The following AUTS2 variants were observed in gnomAD, a reference collection of about 807,000 sequenced individuals.
AUTS2 encodes activator of transcription and developmental regulator AUTS2, also known as autism susceptibility gene 2 protein.
In AUTS2, 17 loss-of-function variants were observed where a neutral mutation model predicts 112.4. The observed-to-expected ratio is 0.15, with a 90% CI of 0.10 to 0.23. The LOEUF is 0.23. AUTS2 is among the 10% of genes least tolerant of loss of function. The probability of loss-of-function intolerance (pLI) is 1.00; values close to 1 mark genes in which losing one functional copy is unlikely to be tolerated. For missense variants in AUTS2, 1,510 were observed against 1,701.6 expected, an observed-to-expected ratio of 0.89 and a Z score of 1.98; for synonymous variants, 751 against 702.7, an observed-to-expected ratio of 1.07 and a Z score of -1.09.
At chr7:70,498,265 A>C (rs1562996349) in intron 5 of AUTS2, among the ~76,000 whole-genome samples, 1 of 152,138 alleles carries the variant, frequency 6.6e-6, no homozygotes, top group African/African-American at 2.4e-5. Context: ...GTGTGTGTGT[A>C]TTTGAAAACT....
intron 5 of AUTS2, among the ~76,000 whole-genome samples, chr7:70,562,434 A>T (rs1044901884): frequency 4.0e-5 from 6 of 151,878 alleles, no homozygotes; most frequent in Admixed American, 3.3e-4. Context: ...TACTGAAAAA[A>T]CTCACTCCAG....
chr7:69,926,664 A>G (rs2129543460), intron 2 of AUTS2, among the ~76,000 whole-genome samples: 2 of 151,490 alleles, frequency 1.3e-5, no homozygotes, highest in South Asian at 4.2e-4. Flanking sequence ...TTGAGAATGA[A>G]TAAAGTATTT....
chr7:70,568,431 G>A (rs1381217110), intron 5 of AUTS2, among the ~76,000 whole-genome samples: 1 of 152,228 alleles, frequency 6.6e-6, no homozygotes, highest in Non-Finnish European at 1.5e-5. Context: ...GTGTGTTAAA[G>A]TGTTCGCAGT....
At chr7:69,871,699 G>A (rs1386039828) in intron 1 of AUTS2, among the ~76,000 whole-genome samples, 1 of 152,194 alleles carries the variant, frequency 6.6e-6, no homozygotes, top group Non-Finnish European at 1.5e-5. Flanking sequence ...TGGATGAGTA[G>A]CATCTATAGC....
chr7:69,907,932 A>T (rs962993066), intron 2 of AUTS2, among the ~76,000 whole-genome samples: 3 of 152,234 alleles, frequency 2.0e-5, no homozygotes, highest in Admixed American at 2.0e-4. Flanking sequence ...CATTAGTAGC[A>T]TTACTGAAAT....
At chr7:69,720,555 G>C (rs1378257749) in intron 1 of AUTS2, among the ~76,000 whole-genome samples, 2 of 152,172 alleles carry the variant, frequency 1.3e-5, no homozygotes, top group Non-Finnish European at 2.9e-5. Flanking sequence ...TATAACCACA[G>C]TCATGCCCAA....
chr7:70,310,055 G>T (rs1322241119), intron 4 of AUTS2, among the ~76,000 whole-genome samples: 3 of 152,010 alleles, frequency 2.0e-5, no homozygotes, highest in Non-Finnish European at 2.9e-5. Flanking sequence ...AAGGTTAATG[G>T]TATCTGCCAT....
At chr7:70,495,060 C>T (rs550666368) in intron 5 of AUTS2, among the ~76,000 whole-genome samples, 112 of 152,048 alleles carry the variant, frequency 7.4e-4, no homozygotes, top group African/African-American at 2.6e-3. Flanking sequence ...AACATAAAGA[C>T]ACAGAAATGG....
chr7:69,741,562 G>T (rs1787265660), intron 1 of AUTS2, among the ~76,000 whole-genome samples: 1 of 152,036 alleles, frequency 6.6e-6, no homozygotes, highest in African/African-American at 2.4e-5. Flanking sequence ...AAAATTAGCT[G>T]GGTGTGGTGG....
intron 4 of AUTS2, among the ~76,000 whole-genome samples, chr7:70,325,295 G>A (rs1395482450): frequency 6.6e-6 from 1 of 152,008 alleles, no homozygotes; most frequent in Non-Finnish European, 1.5e-5. Flanking sequence ...CTTCACTCCA[G>A]CCGGAGTGAC....
intron 4 of AUTS2, among the ~76,000 whole-genome samples, chr7:70,207,413 T>C (rs1485523472): frequency 2.0e-5 from 3 of 152,302 alleles, no homozygotes; most frequent in Middle Eastern, 6.8e-3. Context: ...CTTGGTAGGA[T>C]TTGATTTGAA....
chr7:69,893,924 TG>T (rs1794628992), intron 1 of AUTS2, among the ~76,000 whole-genome samples: 1 of 152,178 alleles, frequency 6.6e-6, no homozygotes, highest in Non-Finnish European at 1.5e-5. Flanking sequence ...GATTGTAATT[TG>T]GGAGAAGGGA....
rs1256767691 is a variant in AUTS2 at position 70,694,033 on chromosome 7, C to G, written c.691-4536C>G. ...CACCGGCGGCTCGGGCTCGGCGCGC[C>G]GAGGAAGTCCCGCTCCGAGAGCTGC... On this transcript the variant is annotated intron_variant, in intron 5 of 18. Transcript: ENST00000342771. This position sits in a 1 kb window ranked among gnomAD's most constrained non-coding sequence, Gnocchi z 4.1. The G allele has an allele frequency of 4.0e-5, 6 of 151,646 alleles. No individual in the cohort carries two copies. The highest frequency in any genetic ancestry group is 1.5e-5 in the Non-Finnish European group (1 of 67,816). 9.4% of individuals were successfully genotyped at this position (151,646 alleles called of 1,614,324 possible).
intron 1 of AUTS2, among the ~76,000 whole-genome samples, chr7:69,898,328 A>G (rs1275675765): frequency 6.6e-6 from 1 of 152,182 alleles, no homozygotes; most frequent in Non-Finnish European, 1.5e-5. Context: ...CTGAGTGCCA[A>G]AACATTTTCA....
At chr7:70,367,579 A>C (rs1471145399) in intron 4 of AUTS2, among the ~76,000 whole-genome samples, 7 of 151,696 alleles carry the variant, frequency 4.6e-5, no homozygotes, top group South Asian at 2.1e-4. Context: ...ATTGTAAAAA[A>C]TAATAATAAT....
rs570643058 is a variant in AUTS2 at position 69,736,834 on chromosome 7, G to T, written c.309+136872G>T. Among the ~76,000 whole-genome samples the T allele has an allele frequency of 2.0e-5, 3 of 152,282 alleles. No homozygotes were observed. In the East Asian group the frequency reaches 5.8e-4, roughly 29 times the overall value. ...GGAGTTCTTAAGGGTTACCCTGGAC[G>T]AGAGACTTCTCAGAAATATAGTCTT... is the stretch of plus-strand genomic sequence containing the variant. On this transcript the variant is annotated intron_variant, in intron 1 of 18. Transcript: ENST00000342771.
At chr7:69,950,851 G>T (rs571481813) in intron 2 of AUTS2, among the ~76,000 whole-genome samples, 20 of 152,276 alleles carry the variant, frequency 1.3e-4, no homozygotes, top group African/African-American at 4.8e-4. Context: ...GGGTGGATTT[G>T]GTCGGGTGCG....
chr7:70,113,432 T>G lies in AUTS2; in HGVS notation c.523-4700T>G, dbSNP rs568799940. Among the ~76,000 whole-genome samples the G allele has an allele frequency of 3.3e-5, 5 of 152,292 alleles. No homozygotes were observed. The South Asian group carries it at 6.2e-4, about 19-fold the overall frequency. ...ATTTTATCTTGAAAAATAAAAATAG[T>G]ATTTTTCAAGATTAAATACTTGGCT... On this transcript the variant is annotated intron_variant, in intron 2 of 18. Transcript: ENST00000342771.
chr7:70,280,727 G>C (rs960707701), intron 4 of AUTS2, among the ~76,000 whole-genome samples: 1 of 152,006 alleles, frequency 6.6e-6, no homozygotes. Flanking sequence ...CCCCAACCCC[G>C]ACACAACAAT....
Sources: allele counts gnomAD v4.1 joint callset (sites outside exome capture counted in the v4.1 genomes callset), GRCh38; gene constraint gnomAD v4.1.1; non-coding constraint Gnocchi (gnomAD v3.1); transcripts MANE v1.5; gene names NCBI Gene and HGNC (gene_info 2026-07-23, HGNC 2026-07-21).